The following GOLGA3 variants were observed in gnomAD, a reference collection of about 807,000 sequenced individuals.
GOLGA3 encodes the protein golgin A3.
Under a neutral mutation model 169.4 loss-of-function variants are expected in GOLGA3, and 75 were observed. That is an observed-to-expected ratio of 0.44 (90% CI 0.37 to 0.54). The LOEUF (loss-of-function observed/expected upper bound fraction) is 0.54, where lower values mean the gene tolerates loss of function less well. Among genes scored for constraint, GOLGA3 ranks in the 20% least tolerant of loss-of-function variants. The probability of loss-of-function intolerance (pLI) is 0.00; values close to 1 mark genes in which losing one functional copy is unlikely to be tolerated. For missense variants in GOLGA3, 1,899 were observed against 1,930.0 expected (o/e 0.98, Z 0.30); for synonymous variants, 824 against 822.4 (o/e 1.00, Z -0.03).
At chr12:132,784,113 G>A in intron 16 of GOLGA3, 51 bp downstream of exon 16, 2 of 1,600,014 alleles carry the variant, frequency 1.2e-6, no homozygotes, top group Non-Finnish European at 1.7e-6. Context: ...CATGTCCAGG[G>A]CTCACGTGAC....
At chr12:132,810,760 G>A (rs970464032) in intron 4 of GOLGA3, among the ~76,000 whole-genome samples, 1 of 152,166 alleles carries the variant, frequency 6.6e-6, no homozygotes, top group African/African-American at 2.4e-5. Flanking sequence ...CCACTACTTA[G>A]CAGAGTTTAG....
chr12:132,795,747 C>T (rs926697560), intron 11 of GOLGA3, 105 bp downstream of exon 11: 24 of 1,265,412 alleles, frequency 1.9e-5, no homozygotes, highest in Middle Eastern at 1.9e-4. Context: ...GGCAACACAG[C>T]GAGACTGTTT....
At chr12:132,820,854 C>A (rs1186393017) in intron 2 of GOLGA3, among the ~76,000 whole-genome samples, 1 of 152,114 alleles carries the variant, frequency 6.6e-6, no homozygotes, top group Non-Finnish European at 1.5e-5. Context: ...AATCCCAGCA[C>A]TTTTTGGGGC....
At chr12:132,798,572 G>C in intron 8 of GOLGA3, 95 bp from the exon 9 acceptor site, 1 of 1,120,202 alleles carries the variant, frequency 8.9e-7, no homozygotes, top group Non-Finnish European at 1.3e-6. Context: ...GAGGGTCACT[G>C]GCTGCCCCCT....
rs759619285 is a variant in GOLGA3 at position 132,789,329 on chromosome 12, G to A, written c.2548-39C>T. On this transcript the variant is annotated intron_variant, in intron 12 of 23. Transcript: ENST00000450791. ...AGGCTGTGAGCGGACGCTGGGCGGC[G>A]GGGCGTGGGGGGCGTACCTGGGGGT... The A allele has an allele frequency of 4.9e-5, 74 of 1,504,834 alleles. 1 individual carries two copies. Among genetic ancestry groups the A allele is most frequent in the South Asian group, 2.1e-4 (16 of 77,992 alleles). 93.2% of individuals were successfully genotyped at this position (1,504,834 alleles called of 1,614,324 possible).
chr12:132,799,151 G>A (rs757332051), intron 8 of GOLGA3, among the ~76,000 whole-genome samples: 14 of 152,310 alleles, frequency 9.2e-5, no homozygotes, highest in Non-Finnish European at 1.3e-4. Context: ...GAAGCCACAC[G>A]CTCCAGGACC....
intron 10 of GOLGA3, 116 bp from the exon 11 acceptor site, chr12:132,796,336 A>C: frequency 7.6e-7 from 1 of 1,321,084 alleles, no homozygotes; most frequent in South Asian, 1.5e-5. Context: ...TCTTTTTTTC[A>C]CGCACAATCC....
In GOLGA3 at chr12:132,807,233, T is replaced by G. The variant is rs762292745; in HGVS notation, c.1234A>C (p.Lys412Gln). Residue 412 changes from lysine to glutamine, a missense_variant, in exon 6 of 24, where the codon AAA becomes CAA. Lys to Gln is a moderately conservative substitution (Grantham distance 53). Coordinates refer to ENST00000450791, the MANE Select transcript of GOLGA3 (RefSeq NM_001389683.1). ...TGTCCTTCGAGTCGCATTTTCTCTTTGAGCACCTGCAGCATCTCCTCCTGT... is the reference window on the plus strand; with the variant it reads ...TGTCCTTCGAGTCGCATTTTCTCTTGGAGCACCTGCAGCATCTCCTCCTGT... ...ETQEEMLQVLKEKMRLEGQLE... is the reference protein window; with the variant it reads ...ETQEEMLQVLQEKMRLEGQLE... The G allele has an allele frequency of 6.2e-7, 1 of 1,604,098 alleles. No homozygotes were observed. Among genetic ancestry groups the G allele is most frequent in the South Asian group, 1.1e-5 (1 of 88,876 alleles).
intron 23 of GOLGA3, 130 bp downstream of exon 23, chr12:132,774,027 G>T: frequency 2.6e-6 from 2 of 774,578 alleles, no homozygotes; most frequent in Non-Finnish European, 4.0e-6. Context: ...ATGTATGCGA[G>T]TCCCCCACCC....
chr12:132,782,805 GGTGGAGGTTGCA>G (rs1003809157), intron 16 of GOLGA3, among the ~76,000 whole-genome samples: 13 of 151,416 alleles, frequency 8.6e-5, no homozygotes, highest in Admixed American at 2.6e-4. Context: ...GAACCCAGGA[GGTGGAGGTTGCA>G]GTGAGCTGAG....
chr12:132,783,263 T>A (rs902495698), intron 16 of GOLGA3, among the ~76,000 whole-genome samples: 2 of 99,026 alleles, frequency 2.0e-5, no homozygotes, highest in African/African-American at 7.7e-5. Context: ...GCTTGCTTCA[T>A]GATCTGAAGG....
chr12:132,801,789 T>C lies in GOLGA3; in HGVS notation c.1778A>G (p.Gln593Arg). The part of the protein sequence containing the change: ...ALAQEARVRL[Q>R]GEMAHIQVGQ... ...TACCTGGATGTGGGCCATCTCACCCTGCAGCCTGACGCGGGCCTCCTGTGC... is the reference window on the plus strand; with the variant it reads ...TACCTGGATGTGGGCCATCTCACCCCGCAGCCTGACGCGGGCCTCCTGTGC... Residue 593 changes from glutamine (Q) to arginine (R), a missense_variant, in exon 8 of 24, where the codon CAG becomes CGG. By Grantham distance (43) the Gln-to-Arg change is conservative. Coordinates refer to ENST00000450791, the MANE Select transcript of GOLGA3 (RefSeq NM_001389683.1). The C allele has an allele frequency of 6.2e-7, 1 of 1,612,242 alleles. No homozygotes were observed. The highest frequency in any genetic ancestry group is 1.3e-5 in the African/African-American group (1 of 75,078).
At chr12:132,825,936 A>G in intron 1 of GOLGA3, 1 of 951,410 alleles carries the variant, frequency 1.1e-6, no homozygotes, top group South Asian at 1.3e-5. Flanking sequence ...GTGGTGACCA[A>G]GATGAAGACG....
At chr12:132,815,872 C>A (rs1185586878) in intron 3 of GOLGA3, among the ~76,000 whole-genome samples, 1 of 152,124 alleles carries the variant, frequency 6.6e-6, no homozygotes, top group Non-Finnish European at 1.5e-5. Flanking sequence ...GGCCTCCAGC[C>A]TGGGCGACAG....
At chr12:132,828,287 C>T (rs889871459) in intron 1 of GOLGA3, 2 of 152,218 alleles carry the variant, frequency 1.3e-5, no homozygotes, top group African/African-American at 4.8e-5. Flanking sequence ...CCCACAATAC[C>T]CAGGACCCGC....
intron 8 of GOLGA3, among the ~76,000 whole-genome samples, chr12:132,799,988 G>A (rs931195648): frequency 1.3e-5 from 2 of 152,106 alleles, no homozygotes; most frequent in South Asian, 2.1e-4. Context: ...TGATCGGCCC[G>A]CCTCGGCCTC....
chr12:132,773,053 C>CA lies in GOLGA3; in HGVS notation c.*51dup. ...ATCGACCACACAATCAAATAAATAA[C>CA]ATTGATAAGAGCCTTCTGGGGCAGC... On this transcript the variant is annotated 3_prime_UTR_variant, in exon 24 of 24. Coordinates refer to ENST00000450791, the MANE Select transcript of GOLGA3 (RefSeq NM_001389683.1). 1 of 1,237,950 alleles carries CA rather than the reference C, an allele frequency of 8.1e-7. No homozygotes were observed. Among genetic ancestry groups the CA allele is most frequent in the Non-Finnish European group, 1.1e-6 (1 of 904,454 alleles). The allele number at this position is 1,237,950 out of a possible 1,614,324, so 76.7% of individuals were successfully genotyped here.
chr12:132,772,162 T>C lies in GOLGA3; in HGVS notation c.*943A>G, dbSNP rs558011689. On this transcript the variant is annotated 3_prime_UTR_variant, in exon 24 of 24. Coordinates refer to ENST00000450791, the MANE Select transcript of GOLGA3 (RefSeq NM_001389683.1). ...GAATTTTCTGACTATCCCTAAATCC[T>C]GCAGGTAAATTATTCCCAACAAATT... 6.6e-6 allele frequency: 1 copy of C among 152,398 alleles called. No individual in the cohort carries two copies. The highest frequency in any genetic ancestry group is 1.5e-5 in the Non-Finnish European group (1 of 68,042). The allele number at this position is 152,398 out of a possible 1,614,324, so 9.4% of individuals were successfully genotyped here. A position where few individuals can be genotyped will look rare whatever the true frequency, so the allele number is the denominator to read the frequency against.
rs375562503 is a variant in GOLGA3 at position 132,807,962 on chromosome 12, G to A, written c.1107C>T (p.Ala369=). The A allele has an allele frequency of 1.1e-5, 18 of 1,612,934 alleles. No individual in the cohort carries two copies. The highest frequency in any genetic ancestry group is 1.1e-5 in the Non-Finnish European group (13 of 1,179,752). The change falls in exon 5 of 24, where the codon GCC becomes GCT. Residue 369 remains alanine (A), a synonymous_variant. Transcript: ENST00000450791. ...CCTGCCCCTGGTCTTGGTGCTCAGC[G>A]GCTGCGGCCTGGAGGACGTCCTTAA... The part of the protein sequence containing the change: ...PSIKDVLQAA[A]AEHQDQGQEV...
Sources: allele counts gnomAD v4.1 joint callset (sites outside exome capture counted in the v4.1 genomes callset), GRCh38; gene constraint gnomAD v4.1.1; transcripts MANE v1.5; gene names NCBI Gene and HGNC (gene_info 2026-07-23, HGNC 2026-07-21).